The following ANKRD30BL variants were observed in gnomAD, a reference collection of about 807,000 sequenced individuals.
ANKRD30BL encodes the protein putative ankyrin repeat domain-containing protein 30B-like.
In ANKRD30BL, 20 loss-of-function variants were observed where a neutral mutation model predicts 18.4. The observed-to-expected ratio is 1.09, with a 90% CI of 0.77 to 1.58. The LOEUF is 1.58. Ranked by LOEUF, ANKRD30BL falls within the 40% of genes most tolerant of loss-of-function variation. The pLI is 0.00. For synonymous variants in ANKRD30BL, 72 were observed against 100.9 expected, an observed-to-expected ratio of 0.71 and a Z score of 1.72; for missense variants, 224 against 268.6, an observed-to-expected ratio of 0.83 and a Z score of 1.16.
upstream of ANKRD30BL, among the ~76,000 whole-genome samples, chr2:132,166,551 C>T (rs1298928334): frequency 6.6e-6 from 1 of 151,898 alleles, no homozygotes; most frequent in African/African-American, 2.4e-5. Context: ...AGGTATTTGT[C>T]CATTTTATAT....
chr2:132,234,682 G>T (rs1172580384), intron 1 of ANKRD30BL, among the ~76,000 whole-genome samples: 1 of 152,132 alleles, frequency 6.6e-6, no homozygotes, highest in Non-Finnish European at 1.5e-5. Context: ...CTCTGAAATT[G>T]TGGCAATAAT....
At chr2:132,223,109 A>G (rs201852308) in intron 1 of ANKRD30BL, among the ~76,000 whole-genome samples, 1 of 151,268 alleles carries the variant, frequency 6.6e-6, no homozygotes, top group Non-Finnish European at 1.5e-5. Context: ...ACGGGAATAT[A>G]TTTACATAAA....
At chr2:132,165,579 C>G (rs990649026), upstream of ANKRD30BL, among the ~76,000 whole-genome samples, 466 of 144,296 alleles carry the variant, frequency 3.2e-3, 3 homozygotes, top group African/African-American at 0.011. Flanking sequence ...AAAAATTAGC[C>G]GGACATGGTG....
Position 132,161,455 on chromosome 2 carries a change from T to C in ANKRD30BL, c.218+33A>G, listed in dbSNP as rs564449874. ...CGATCCTCCCACAGCCTCCTCCTCC[T>C]CCTGCAGCCCCGGCTCAGGCAGGGC... On this transcript the variant is annotated intron_variant, in intron 1 of 5. Transcript: ENST00000409867. 1.8e-3 allele frequency: 2,587 copies of C among 1,435,314 alleles called. 6 individuals are homozygous for C. The highest frequency in any genetic ancestry group is 2.3e-3 in the Non-Finnish European group (2,401 of 1,044,780). The allele number at this position is 1,435,314 out of a possible 1,614,324, so 88.9% of individuals were successfully genotyped here. A position where few individuals can be genotyped will look rare whatever the true frequency, so the allele number is the denominator to read the frequency against.
intron 1 of ANKRD30BL, among the ~76,000 whole-genome samples, chr2:132,214,710 T>C (rs1032631257): frequency 2.0e-5 from 3 of 152,018 alleles, no homozygotes; most frequent in Non-Finnish European, 2.9e-5. Context: ...GACAACTTTC[T>C]TTGCGATGTG....
intron 1 of ANKRD30BL, chr2:132,257,491 C>A: frequency 7.7e-6 from 2 of 259,422 alleles, no homozygotes; most frequent in South Asian, 3.6e-5. Context: ...GGGTCCCCAC[C>A]GCGGAGGCTG....
rs546701914 is a variant in ANKRD30BL, at chr2:132,219,207, A to T, written n.441+38322T>A. Among the ~76,000 whole-genome samples the T allele has an allele frequency of 1.3e-3, 205 of 152,292 alleles. 1 individual carries two copies. The highest frequency in any genetic ancestry group is 4.6e-3 in the African/African-American group (191 of 41,578). On this transcript the variant is annotated intron_variant and non_coding_transcript_variant, in intron 1 of 4. Transcript: ENST00000470729. ...TTTGTGATGTTTGCTTTCAACTCAC[A>T]GATTTGGACATACTGTATCATAGAG...
intron 5 of ANKRD30BL, among the ~76,000 whole-genome samples, chr2:132,148,488 G>C (rs183645237): frequency 6.2e-5 from 9 of 145,850 alleles, no homozygotes; most frequent in South Asian, 2.2e-4. Flanking sequence ...TCCTACCTCA[G>C]CCTCCCATGT....
intron 1 of ANKRD30BL, among the ~76,000 whole-genome samples, chr2:132,182,078 C>T (rs1403160322): frequency 2.0e-5 from 3 of 151,322 alleles, no homozygotes; most frequent in Non-Finnish European, 4.4e-5. Context: ...TGCACCACTG[C>T]ACTCTAGCCT....
At chr2:132,167,380 G>A (rs1386505188) in intron 1 of ANKRD30BL, among the ~76,000 whole-genome samples, 1 of 150,386 alleles carries the variant, frequency 6.6e-6, no homozygotes, top group Non-Finnish European at 1.5e-5. Flanking sequence ...AGGCTGGAGT[G>A]CAGTGGTAGT....
At chr2:132,159,294 T>C (rs561239283) in intron 1 of ANKRD30BL, among the ~76,000 whole-genome samples, 37 of 152,262 alleles carry the variant, frequency 2.4e-4, no homozygotes, top group Middle Eastern at 3.4e-3. Context: ...AAAGTCATTA[T>C]ATGAATTCTT....
chr2:132,224,498 T>C (rs1219966666), intron 1 of ANKRD30BL, among the ~76,000 whole-genome samples: 1 of 151,794 alleles, frequency 6.6e-6, no homozygotes, highest in Non-Finnish European at 1.5e-5. Context: ...GACAGAGGCA[T>C]TCTCAGAAAC....
intron 1 of ANKRD30BL, among the ~76,000 whole-genome samples, chr2:132,236,325 C>A (rs912109974): frequency 6.6e-6 from 1 of 152,002 alleles, no homozygotes; most frequent in African/African-American, 2.4e-5. Context: ...CAACAAAAGA[C>A]AAAATTGACA....
At chr2:132,224,932 A>G (rs898724379) in intron 1 of ANKRD30BL, among the ~76,000 whole-genome samples, 3 of 151,968 alleles carry the variant, frequency 2.0e-5, no homozygotes, top group Non-Finnish European at 2.9e-5. Context: ...AGAATCTGGA[A>G]GTGGACATTT....
At chr2:132,236,706 A>T (rs563333350) in intron 1 of ANKRD30BL, among the ~76,000 whole-genome samples, 1 of 152,314 alleles carries the variant, frequency 6.6e-6, no homozygotes, top group East Asian at 1.9e-4. Flanking sequence ...CCATTAGGGA[A>T]GTCAGTGTGG....
rs1467779644 is a variant in ANKRD30BL at position 132,249,482 on chromosome 2, C to G, written n.441+8047G>C. Among the ~76,000 whole-genome samples the G allele has an allele frequency of 2.6e-5, 4 of 152,030 alleles. No homozygotes were observed. In the East Asian group the frequency reaches 7.7e-4, roughly 29 times the overall value. ...TTTTATGTGAAGACATTTCCTTTTTCAACATAGGCTTCAAAGTGCTCACAA... is the reference window on the plus strand; with the variant it reads ...TTTTATGTGAAGACATTTCCTTTTTGAACATAGGCTTCAAAGTGCTCACAA... On this transcript the variant is annotated intron_variant and non_coding_transcript_variant, in intron 1 of 4. Coordinates refer to the ANKRD30BL transcript ENST00000470729.
chr2:132,187,912 C>T (rs1310115825), intron 1 of ANKRD30BL, among the ~76,000 whole-genome samples: 1 of 152,026 alleles, frequency 6.6e-6, no homozygotes, highest in Non-Finnish European at 1.5e-5. Flanking sequence ...GCACCTGCCA[C>T]CATGCCCAGC....
In ANKRD30BL at chr2:132,147,950, G is replaced by A. The variant is rs540002293; in HGVS notation, c.*181C>T. On this transcript the variant is annotated 3_prime_UTR_variant, in exon 6 of 6. Transcript: ENST00000409867. ...GGCTGTTTAATGAAACTAGGGGCAA[G>A]GAGGCATAACGAACGAGGAAGTTAA... 5.2e-6 allele frequency: 3 copies of A among 581,882 alleles called. No homozygotes were observed. In the South Asian group the frequency reaches 6.1e-5, roughly 12 times the overall value. 36.0% of individuals were successfully genotyped at this position (581,882 alleles called of 1,614,324 possible).
intron 1 of ANKRD30BL, among the ~76,000 whole-genome samples, chr2:132,252,203 C>T (rs75678520): frequency 2.0e-5 from 3 of 152,310 alleles, no homozygotes; most frequent in South Asian, 2.1e-4. Flanking sequence ...TTGATGTTAA[C>T]GATGCTACTG....
Sources: allele counts gnomAD v4.1 joint callset (sites outside exome capture counted in the v4.1 genomes callset), GRCh38; gene constraint gnomAD v4.1.1; transcripts MANE v1.5; gene names NCBI Gene and HGNC (gene_info 2026-07-23, HGNC 2026-07-21).